The following PITPNC1 variants were observed in gnomAD, a reference collection of about 807,000 sequenced individuals.
PITPNC1 encodes phosphatidylinositol transfer protein cytoplasmic 1, also known as cytoplasmic phosphatidylinositol transfer protein 1.
Under a neutral mutation model 44.7 loss-of-function variants are expected in PITPNC1, and 18 were observed. The ratio of observed to expected loss-of-function variants is 0.40; its 90% confidence interval spans 0.28 to 0.60. The LOEUF is 0.60. Among genes scored for constraint, PITPNC1 ranks in the 20% least tolerant of loss-of-function variants. The probability of loss-of-function intolerance (pLI) is 0.39; values close to 1 mark genes in which losing one functional copy is unlikely to be tolerated. For synonymous variants in PITPNC1, 141 were observed against 149.6 expected (o/e 0.94, Z 0.42); for missense variants, 290 against 418.4 (o/e 0.69, Z 2.68).
intron 4 of PITPNC1, among the ~76,000 whole-genome samples, chr17:67,553,906 C>T (rs2040799821): frequency 6.6e-6 from 1 of 152,056 alleles, no homozygotes; most frequent in African/African-American, 2.4e-5. Flanking sequence ...GGTGATAGTT[C>T]ACTATAATAA....
rs1160522771 is a variant in PITPNC1, at chr17:67,425,193, G to GCGCGCGCGCGCACACACACA, written c.48+46992_48+46993insGCGCGCGCGCACACACACAC. Reference sequence around the variant, plus strand: ...AAATAAACAGCCATGTTGTGCGCGCGCACGCACACGCACACACACACACAC... The same window carrying GCGCGCGCGCGCACACACACA: ...AAATAAACAGCCATGTTGTGCGCGCGCGCGCGCGCGCACACACACACACGCACACGCACACACACACACAC... On this transcript the variant is annotated intron_variant, in intron 1 of 8. Coordinates refer to ENST00000581322, the MANE Select transcript of PITPNC1 (RefSeq NM_012417.4). Among the ~76,000 whole-genome samples the GCGCGCGCGCGCACACACACA allele has an allele frequency of 5.6e-4, 29 of 52,114 alleles. 1 individual carries two copies. Among genetic ancestry groups the GCGCGCGCGCGCACACACACA allele is most frequent in the Admixed American group, 2.4e-3 (12 of 4,980 alleles). 34.2% of individuals were successfully genotyped at this position (52,114 alleles called of 152,430 possible). A position where few individuals can be genotyped will look rare whatever the true frequency, so the allele number is the denominator to read the frequency against.
chr17:67,479,112 A>G (rs2949923), intron 1 of PITPNC1, among the ~76,000 whole-genome samples: 61,844 of 151,092 alleles, frequency 0.41, 12,811 homozygotes, highest in Middle Eastern at 0.46. Flanking sequence ...TTAACCAGCA[A>G]CTCCCCAACC....
chr17:67,405,966 TA>T (rs766646768), intron 1 of PITPNC1, among the ~76,000 whole-genome samples: 1 of 152,108 alleles, frequency 6.6e-6, no homozygotes, highest in Non-Finnish European at 1.5e-5. Flanking sequence ...CATATGACAT[TA>T]TAGATGATTT....
At chr17:67,452,163 A>G (rs1339057993) in intron 1 of PITPNC1, among the ~76,000 whole-genome samples, 1 of 150,908 alleles carries the variant, frequency 6.6e-6, no homozygotes, top group Non-Finnish European at 1.5e-5. Context: ...ATGCCACCAC[A>G]CCTGGCTAAT....
intron 5 of PITPNC1, among the ~76,000 whole-genome samples, chr17:67,609,106 C>A (rs2041653652): frequency 6.6e-6 from 1 of 151,948 alleles, no homozygotes; most frequent in African/African-American, 2.4e-5. Flanking sequence ...AAACTATCCT[C>A]CTGCCTCAGC....
intron 8 of PITPNC1, among the ~76,000 whole-genome samples, chr17:67,687,398 G>T (rs1367761764): frequency 1.3e-5 from 2 of 152,126 alleles, no homozygotes; most frequent in African/African-American, 4.8e-5. Context: ...TGACGTGGAG[G>T]TTATTTCGGT....
At chr17:67,389,915 G>A (rs1236536060) in intron 1 of PITPNC1, among the ~76,000 whole-genome samples, 10 of 152,066 alleles carry the variant, frequency 6.6e-5, no homozygotes, top group African/African-American at 2.4e-5. Flanking sequence ...TCCTGACCTC[G>A]TGATCCACCC....
chr17:67,621,163 T>A (rs186193704), intron 5 of PITPNC1, among the ~76,000 whole-genome samples: 125 of 142,554 alleles, frequency 8.8e-4, no homozygotes, highest in Admixed American at 4.7e-3. Flanking sequence ...ACTACTAGAG[T>A]ACTCTTGTCT....
intron 1 of PITPNC1, among the ~76,000 whole-genome samples, chr17:67,488,613 T>C (rs1243138522): frequency 6.6e-6 from 1 of 152,232 alleles, no homozygotes; most frequent in Non-Finnish European, 1.5e-5. Flanking sequence ...ATCTTAACCA[T>C]TTTTAAATGT....
At chr17:67,511,981 T>G (rs187216674) in intron 1 of PITPNC1, among the ~76,000 whole-genome samples, 56 of 152,374 alleles carry the variant, frequency 3.7e-4, no homozygotes, top group African/African-American at 1.3e-3. Context: ...TCTAAATTTC[T>G]GCCTGGTCTC....
At chr17:67,560,756 C>A (rs2040896685) in intron 4 of PITPNC1, among the ~76,000 whole-genome samples, 1 of 152,152 alleles carries the variant, frequency 6.6e-6, no homozygotes, top group South Asian at 2.1e-4. Flanking sequence ...CTTTGGACTT[C>A]AGAGAAAATT....
intron 1 of PITPNC1, among the ~76,000 whole-genome samples, chr17:67,521,810 C>T (rs116630461): frequency 0.012 from 1,853 of 152,206 alleles, 43 homozygotes; most frequent in African/African-American, 0.037. Flanking sequence ...TGGAGACGGT[C>T]GACTGTGAAT....
At position 67,676,004 on chromosome 17, in the gene PITPNC1, A is replaced by G. The variant is rs538697946; in HGVS notation, c.682+462A>G. The stretch of plus-strand genomic sequence containing the variant: ...GGCAGATCACGAGGTCAGGAGATCG[A>G]GACCATCCTGGCTAACACGGTGAAA... On this transcript the variant is annotated intron_variant, in intron 8 of 8. Transcript: ENST00000581322. This position sits in a 1 kb window ranked among gnomAD's most constrained non-coding sequence, Gnocchi z 4.0. Among the ~76,000 whole-genome samples the G allele has an allele frequency of 1.3e-5, 2 of 152,308 alleles. No homozygotes were observed. Among genetic ancestry groups the G allele is most frequent in the East Asian group, 3.9e-4 (2 of 5,186 alleles).
intron 1 of PITPNC1, chr17:67,408,683 TTC>T (rs369922604): frequency 3.8e-4 from 11 of 29,102 alleles, no homozygotes; most frequent in African/African-American, 8.4e-4. Context: ...TCTTTCTTCC[TTC>T]CTTCCTTCCT....
At chr17:67,631,672 A>ATATATAT (rs1247972983) in intron 5 of PITPNC1, among the ~76,000 whole-genome samples, 1 of 49,204 alleles carries the variant, frequency 2.0e-5, no homozygotes, top group Non-Finnish European at 4.6e-5. Context: ...ATATATATAT[A>ATATATAT]AAATATATAT....
chr17:67,681,104 C>A (rs1443186100), intron 8 of PITPNC1, among the ~76,000 whole-genome samples: 1 of 152,184 alleles, frequency 6.6e-6, no homozygotes, highest in Non-Finnish European at 1.5e-5. Flanking sequence ...TGTTCAAGGG[C>A]ATTTGTAGTT....
rs190487144 is a variant in PITPNC1 at position 67,687,981 on chromosome 17, C to T, written c.683-4591C>T. 2.1e-4 allele frequency among the ~76,000 whole-genome samples: 31 copies of T among 151,028 alleles called. 2 individuals are homozygous for T. Among genetic ancestry groups the T allele is most frequent in the African/African-American group, 7.0e-4 (29 of 41,152 alleles). Reference sequence around the variant, plus strand: ...CCAGAGCTGTGATCTCTTTGGGTTCCGCCTTGAGTCCTCATGTCCATTAGC... The same window carrying T: ...CCAGAGCTGTGATCTCTTTGGGTTCTGCCTTGAGTCCTCATGTCCATTAGC... On this transcript the variant is annotated intron_variant, in intron 8 of 8. Coordinates refer to ENST00000581322, the MANE Select transcript of PITPNC1 (RefSeq NM_012417.4).
At chr17:67,533,990 G>T (rs548157602) in intron 2 of PITPNC1, among the ~76,000 whole-genome samples, 56 of 152,042 alleles carry the variant, frequency 3.7e-4, no homozygotes, top group Admixed American at 2.0e-3. Flanking sequence ...CGCCTCCTGG[G>T]TTCAAGTGAT....
At chr17:67,636,239 G>A (rs893339867) in intron 6 of PITPNC1, among the ~76,000 whole-genome samples, 4 of 141,336 alleles carry the variant, frequency 2.8e-5, no homozygotes, top group East Asian at 2.1e-4. Flanking sequence ...CCGAGATTGC[G>A]CTACTGCACT....
Sources: gnomAD v4.1 joint callset for allele counts (sites outside exome capture counted in the v4.1 genomes callset) on GRCh38, gnomAD v4.1.1 for gene constraint, Gnocchi (gnomAD v3.1) non-coding constraint, MANE v1.5 for transcripts, NCBI Gene and HGNC (gene_info 2026-07-23, HGNC 2026-07-21) for gene names.